Variants in ASPRV1 observed in about 807,000 individuals in gnomAD.
ASPRV1 encodes aspartic peptidase retroviral like 1.
ASPRV1 carries 7 observed loss-of-function variants against 11.0 expected under a neutral mutation model. The observed-to-expected ratio is 0.64, with a 90% CI of 0.36 to 1.20. The LOEUF (loss-of-function observed/expected upper bound fraction) is 1.20, where lower values mean the gene tolerates loss of function less well. ASPRV1 is among the 50% of genes most tolerant of loss of function. The pLI is 0.02. For missense variants in ASPRV1, 299 were observed against 320.0 expected, an observed-to-expected ratio of 0.93 and a Z score of 0.50; for synonymous variants, 136 against 138.4, an observed-to-expected ratio of 0.98 and a Z score of 0.12.
At chr2:69,956,379 T>C (rs533276178), downstream of ASPRV1, among the ~76,000 whole-genome samples, 7 of 148,784 alleles carry the variant, frequency 4.7e-5, no homozygotes, top group South Asian at 1.5e-3. Flanking sequence ...GCCCAGGAGT[T>C]TGAGACCAGC....
the ASPRV1 span, among the ~76,000 whole-genome samples, chr2:70,080,250 C>CA: frequency 4.0e-5 from 6 of 149,768 alleles, no homozygotes; most frequent in African/African-American, 1.5e-4. Flanking sequence ...TTTTTTGAGA[C>CA]AGTTTCACTC....
the ASPRV1 span, among the ~76,000 whole-genome samples, chr2:69,968,040 C>G: frequency 5.9e-5 from 9 of 152,096 alleles, no homozygotes; most frequent in African/African-American, 2.2e-4. Flanking sequence ...TAAGATAGAG[C>G]CACTGCACTC....
chr2:69,982,045 ATCCATC>A, the ASPRV1 span, among the ~76,000 whole-genome samples: 1 of 43,672 alleles, frequency 2.3e-5, no homozygotes, highest in Non-Finnish European at 3.7e-5. Context: ...CTATCCATCC[ATCCATC>A]CATCCATCCA....
chr2:70,063,690 A>G, the ASPRV1 span, among the ~76,000 whole-genome samples: 4 of 152,180 alleles, frequency 2.6e-5, no homozygotes, highest in Non-Finnish European at 5.9e-5. Context: ...TGGGGATTTC[A>G]TTTTAAAGTA....
the ASPRV1 span, among the ~76,000 whole-genome samples, chr2:69,974,312 G>A: frequency 1.3e-4 from 20 of 149,862 alleles, no homozygotes; most frequent in African/African-American, 4.2e-4. Context: ...ACTCCAGCCT[G>A]AGCAACAAGA....
At chr2:70,073,075 AATTATG>A in the ASPRV1 span, 1 of 152,102 alleles carries the variant, frequency 6.6e-6, no homozygotes, top group African/African-American at 2.4e-5. Flanking sequence ...TATCTCAAAA[AATTATG>A]ATTATATTTC....
chr2:69,942,843 A>AT, the ASPRV1 span: 1 of 152,016 alleles, frequency 6.6e-6, no homozygotes, highest in South Asian at 2.1e-4. Flanking sequence ...TAGCACATGC[A>AT]TTTTTAGAAA....
the ASPRV1 span, chr2:69,938,774 A>G: frequency 9.7e-5 from 15 of 154,800 alleles, no homozygotes; most frequent in African/African-American, 3.6e-4. Context: ...GCACTTAACC[A>G]TGGACCTCAC....
chr2:70,048,425 AAAAAAAG>A, the ASPRV1 span, among the ~76,000 whole-genome samples: 7 of 151,888 alleles, frequency 4.6e-5, no homozygotes, highest in East Asian at 3.9e-4. Context: ...AAAAGAAAAA[AAAAAAAG>A]AAAAAAGAAA....
At chr2:69,992,839 A>G in the ASPRV1 span, among the ~76,000 whole-genome samples, 1 of 152,240 alleles carries the variant, frequency 6.6e-6, no homozygotes, top group Admixed American at 6.5e-5. Flanking sequence ...CAACAATAGG[A>G]TGTGCAATGC....
rs1678030634 is a variant in ASPRV1, at chr2:69,960,118, T to C, written c.*539A>G. 6.5e-6 allele frequency: 1 copy of C among 154,028 alleles called. No homozygotes were observed. The highest frequency in any genetic ancestry group is 2.0e-4 in the South Asian group (1 of 4,940). 9.5% of individuals were successfully genotyped at this position (154,028 alleles called of 1,614,324 possible). A position where few individuals can be genotyped will look rare whatever the true frequency, so the allele number is the denominator to read the frequency against. ...TCCATGAATCAATCTTTATTGGTGT[T>C]TGCAGCAATTGAATTATTGGCATAA... On this transcript the variant is annotated 3_prime_UTR_variant, in exon 1 of 1. Transcript: ENST00000320256.
At chr2:70,057,203 A>G in the ASPRV1 span, among the ~76,000 whole-genome samples, 1 of 151,922 alleles carries the variant, frequency 6.6e-6, no homozygotes, top group Non-Finnish European at 1.5e-5. Flanking sequence ...CGTGTTCTAG[A>G]CCAGCCTGGG....
the ASPRV1 span, among the ~76,000 whole-genome samples, chr2:70,071,127 A>T: frequency 1.3e-5 from 2 of 152,184 alleles, no homozygotes; most frequent in Non-Finnish European, 2.9e-5. Context: ...TGATTACAAG[A>T]GTAGGAGACT....
chr2:69,937,638 G>A, the ASPRV1 span, among the ~76,000 whole-genome samples: 15 of 152,070 alleles, frequency 9.9e-5, no homozygotes, highest in African/African-American at 1.4e-4. Flanking sequence ...GTTTTGAGAC[G>A]GAATCTTGCT....
upstream of ASPRV1, chr2:69,963,387 G>A (rs745761241): frequency 4.4e-6 from 2 of 456,630 alleles, no homozygotes; most frequent in Non-Finnish European, 8.8e-6. Context: ...TCTGCAGATG[G>A]ACTTTTGCAG....
At chr2:69,943,702 G>A in the ASPRV1 span, among the ~76,000 whole-genome samples, 1 of 152,150 alleles carries the variant, frequency 6.6e-6, no homozygotes, top group Non-Finnish European at 1.5e-5. Flanking sequence ...TCCTAGAGGT[G>A]AGGACACATC....
chr2:70,008,859 CCTT>C, the ASPRV1 span, among the ~76,000 whole-genome samples: 1 of 152,108 alleles, frequency 6.6e-6, no homozygotes, highest in African/African-American at 2.4e-5. Flanking sequence ...CCAAGGAAAT[CCTT>C]CTTCCATCGT....
chr2:69,960,331 T>G lies in ASPRV1; in HGVS notation c.*326A>C. ...CCATACCTCAGGGAATCTGAAGGGG[T>G]CCCACAGTTCTTTCAAAGACAAGCA... On this transcript the variant is annotated 3_prime_UTR_variant, in exon 1 of 1. Coordinates refer to ENST00000320256, the MANE Select transcript of ASPRV1 (RefSeq NM_152792.4). The G allele has an allele frequency of 3.5e-6, 1 of 286,588 alleles. No individual in the cohort carries two copies. The highest frequency in any genetic ancestry group is 2.1e-5 in the African/African-American group (1 of 47,052). 17.8% of individuals were successfully genotyped at this position (286,588 alleles called of 1,614,324 possible).
the ASPRV1 span, among the ~76,000 whole-genome samples, chr2:70,033,677 T>C: frequency 6.6e-6 from 1 of 152,268 alleles, no homozygotes; most frequent in East Asian, 1.9e-4. Context: ...TTTTCCCCTA[T>C]GAATATGAAT....
Sources: allele counts gnomAD v4.1 joint callset (sites outside exome capture counted in the v4.1 genomes callset), GRCh38; gene constraint gnomAD v4.1.1; transcripts MANE v1.5; gene names NCBI Gene and HGNC (gene_info 2026-07-23, HGNC 2026-07-21).